The following RUNX1T1 variants were observed in gnomAD, a reference collection of about 807,000 sequenced individuals.
The protein encoded by RUNX1T1 is RUNX1 partner transcriptional co-repressor 1.
In RUNX1T1, 4 loss-of-function variants were observed where a neutral mutation model predicts 62.8. That is an observed-to-expected ratio of 0.06 (90% CI 0.03 to 0.15). The LOEUF is 0.15. RUNX1T1 is among the 10% of genes least tolerant of loss of function. The probability of loss-of-function intolerance (pLI) is 1.00; values close to 1 mark genes in which losing one functional copy is unlikely to be tolerated. For missense variants in RUNX1T1, 508 were observed against 754.3 expected (o/e 0.67, Z 3.82); for synonymous variants, 291 against 286.0 (o/e 1.02, Z -0.18).
At position 91,991,992 on chromosome 8, in the gene RUNX1T1, T is replaced by C. The variant is rs1817771694; in HGVS notation, c.660-103A>G. 1.4e-5 allele frequency: 18 copies of C among 1,287,718 alleles called. No individual in the cohort carries two copies. The South Asian group carries it at 1.7e-4, about 12-fold the overall frequency. The allele number at this position is 1,287,718 out of a possible 1,614,324, so 79.8% of individuals were successfully genotyped here. The stretch of plus-strand genomic sequence containing the variant: ...TGGAATAAAAACAGAATATTTTTTA[T>C]TGGCCAGAAACCTTCTAAACTCAGC... On this transcript the variant is annotated intron_variant, in intron 5 of 10. Transcript: ENST00000396218.
exon 1 of RUNX1T1, chr8:92,062,829 G>A: frequency 2.1e-6 from 3 of 1,433,584 alleles, no homozygotes; most frequent in Middle Eastern, 2.6e-4. Flanking sequence ...GCAGAACAAT[G>A]ACAGGGATGT....
At chr8:91,975,820 C>T (rs1433468759) in intron 9 of RUNX1T1, 85 bp downstream of exon 10, 3 of 879,860 alleles carry the variant, frequency 3.4e-6, no homozygotes, top group South Asian at 1.5e-5. Flanking sequence ...CAGTAAAGTC[C>T]TTTCTTGTCA....
At chr8:92,048,420 T>C (rs1342981840) in intron 1 of RUNX1T1, among the ~76,000 whole-genome samples, 4 of 152,156 alleles carry the variant, frequency 2.6e-5, no homozygotes, top group Non-Finnish European at 5.9e-5. Context: ...GGCTCATACC[T>C]GTAATCTCAA....
chr8:92,062,438 C>T, intron 1 of RUNX1T1: 1 of 1,246,860 alleles, frequency 8.0e-7, no homozygotes, highest in Admixed American at 1.7e-5. Flanking sequence ...TCTTCCTGCC[C>T]ACATCAGATA....
chr8:92,087,933 T>C (rs1430447034), intron 1 of RUNX1T1, among the ~76,000 whole-genome samples: 1 of 152,244 alleles, frequency 6.6e-6, no homozygotes, highest in Admixed American at 6.5e-5. Flanking sequence ...TGGAGACTGA[T>C]CACATTAACT....
upstream of RUNX1T1, among the ~76,000 whole-genome samples, chr8:92,065,595 A>G (rs955909867): frequency 1.1e-4 from 16 of 152,238 alleles, no homozygotes; most frequent in South Asian, 6.2e-4. Flanking sequence ...ACAACTTTAG[A>G]TCATTCATTA....
intron 1 of RUNX1T1, among the ~76,000 whole-genome samples, chr8:92,034,813 C>T (rs1420349385): frequency 1.4e-4 from 16 of 114,472 alleles, no homozygotes; most frequent in African/African-American, 4.9e-4. Flanking sequence ...CACACACACA[C>T]ACACACACAC....
intron 1 of RUNX1T1, among the ~76,000 whole-genome samples, chr8:92,077,218 C>T (rs1834556250): frequency 6.6e-6 from 1 of 151,924 alleles, no homozygotes; most frequent in Non-Finnish European, 1.5e-5. Flanking sequence ...TAAATAAGTA[C>T]TGATTAATTA....
exon 3 of RUNX1T1, chr8:92,014,779 C>A: frequency 6.2e-7 from 1 of 1,613,336 alleles, no homozygotes; most frequent in Non-Finnish European, 8.5e-7. Flanking sequence ...GGTGAGGGGG[C>A]GCCATTCAAG....
Position 92,095,733 on chromosome 8 carries a change from G to C in RUNX1T1, c.-86+3847C>G, listed in dbSNP as rs571192494. ...AGACCCCAGGATGGGGCCAGAAAGT[G>C]GGGGAGAGCTACCCTAAGGCTATCT... is the stretch of plus-strand genomic sequence containing the variant. On this transcript the variant is annotated intron_variant, in intron 1 of 11. Transcript: ENST00000265814. 3.2e-5 allele frequency: 17 copies of C among 538,570 alleles called. No individual in the cohort carries two copies. In the Admixed American group the frequency reaches 3.6e-4, roughly 11 times the overall value. The allele number at this position is 538,570 out of a possible 1,614,324, so 33.4% of individuals were successfully genotyped here. A position where few individuals can be genotyped will look rare whatever the true frequency, so the allele number is the denominator to read the frequency against.
At chr8:92,015,562 C>T (rs1419311916) in intron 2 of RUNX1T1, among the ~76,000 whole-genome samples, 1 of 152,090 alleles carries the variant, frequency 6.6e-6, no homozygotes, top group African/African-American at 2.4e-5. Flanking sequence ...CCCTGTCACT[C>T]TGTAACCCAT....
At chr8:92,011,548 C>T (rs561789123) in intron 3 of RUNX1T1, among the ~76,000 whole-genome samples, 3 of 152,324 alleles carry the variant, frequency 2.0e-5, no homozygotes, top group South Asian at 4.1e-4. Context: ...TTCTTCTCCT[C>T]CTCCTGTATT....
At chr8:92,001,196 C>A (rs1245650454) in intron 5 of RUNX1T1, among the ~76,000 whole-genome samples, 1 of 151,932 alleles carries the variant, frequency 6.6e-6, no homozygotes, top group African/African-American at 2.4e-5. Flanking sequence ...ATGAGCAAAT[C>A]CATAAATTTA....
At chr8:91,968,891 C>G (rs1455944719) in intron 10 of RUNX1T1, among the ~76,000 whole-genome samples, 2 of 152,114 alleles carry the variant, frequency 1.3e-5, no homozygotes, top group Admixed American at 6.5e-5. Flanking sequence ...AAAATTGAAG[C>G]TTTTACAGGT....
chr8:91,973,700 T>A (rs1343098978), intron 9 of RUNX1T1, among the ~76,000 whole-genome samples: 1 of 152,086 alleles, frequency 6.6e-6, no homozygotes, highest in Non-Finnish European at 1.5e-5. Context: ...GATGTCACAT[T>A]CTGCCCTTGG....
chr8:92,046,220 C>T (rs1428983820), intron 1 of RUNX1T1, among the ~76,000 whole-genome samples: 1 of 152,086 alleles, frequency 6.6e-6, no homozygotes, highest in Non-Finnish European at 1.5e-5. Flanking sequence ...TAACTCACTG[C>T]AGGGGAATGA....
intron 1 of RUNX1T1, among the ~76,000 whole-genome samples, chr8:92,038,436 A>G (rs1203733424): frequency 6.6e-6 from 1 of 152,198 alleles, no homozygotes; most frequent in African/African-American, 2.4e-5. Context: ...GTCATTAAAA[A>G]ACAGAAACAC....
In RUNX1T1 at chr8:91,961,612, T is replaced by A. The variant is rs191214088; in HGVS notation, c.1459-1095A>T. Among the ~76,000 whole-genome samples, 4 of 152,272 alleles carry A rather than the reference T, an allele frequency of 2.6e-5. 1 individual carries two copies. Among genetic ancestry groups the A allele is most frequent in the African/African-American group, 9.6e-5 (4 of 41,558 alleles). On this transcript the variant is annotated intron_variant, in intron 10 of 10. Coordinates refer to ENST00000396218, the Ensembl canonical transcript of RUNX1T1. ...AAGAGCACCTTTTGGGGACAGGCCC[T>A]AAGCAGGCAAGGAGGAATGAGGAAG...
rs557607716 is a variant in RUNX1T1, at chr8:91,959,463, TGTGTATATGTGC to T, written c.*767_*778del. On this transcript the variant is annotated 3_prime_UTR_variant, in exon 11 of 11. Coordinates refer to ENST00000396218, the Ensembl canonical transcript of RUNX1T1. ...GTGTGTGTGTGTGTGTGTGTGTGTG[TGTGTATATGTGC>T]GTGTGTGTGTGTGTATATATATATA... 686 of 113,322 alleles carry T rather than the reference TGTGTATATGTGC, an allele frequency of 6.1e-3. 16 individuals are homozygous for T. The highest frequency in any genetic ancestry group is 0.026 in the African/African-American group (314 of 12,306). 7.0% of individuals were successfully genotyped at this position (113,322 alleles called of 1,614,324 possible). A position where few individuals can be genotyped will look rare whatever the true frequency, so the allele number is the denominator to read the frequency against.
Sources: allele counts gnomAD v4.1 joint callset (sites outside exome capture counted in the v4.1 genomes callset), GRCh38; gene constraint gnomAD v4.1.1; transcripts MANE v1.5; gene names NCBI Gene and HGNC (gene_info 2026-07-23, HGNC 2026-07-21).